DTNA: variants seen among roughly 807,000 people sequenced by gnomAD.
DTNA encodes the protein dystrophin-related protein 3.
Under a neutral mutation model 100.7 loss-of-function variants are expected in DTNA, and 43 were observed. The ratio of observed to expected loss-of-function variants is 0.43; its 90% CI spans 0.33 to 0.55. DTNA has a LOEUF of 0.55. DTNA is among the 20% of genes least tolerant of loss of function. DTNA has a pLI of 0.04. For synonymous variants in DTNA, 349 were observed against 347.9 expected, an observed-to-expected ratio of 1.00 and a Z score of -0.04; for missense variants, 798 against 953.9, an observed-to-expected ratio of 0.84 and a Z score of 2.15.
intron 1 of DTNA, among the ~76,000 whole-genome samples, chr18:34,694,527 A>G (rs2080237537): frequency 6.6e-6 from 1 of 152,194 alleles, no homozygotes; most frequent in Non-Finnish European, 1.5e-5. Flanking sequence ...CAGATAAATA[A>G]TGTAGCTCTC....
chr18:34,890,121 T>G lies in DTNA; in HGVS notation c.*2387T>G, dbSNP rs1208547573. The G allele has an allele frequency of 1.4e-6, 2 of 1,403,550 alleles. No individual in the cohort carries two copies. The highest frequency in any genetic ancestry group is 5.1e-5 in the East Asian group (2 of 39,266). 86.9% of individuals were successfully genotyped at this position (1,403,550 alleles called of 1,614,324 possible). ...GTTTCTTTGTGTTTCTACATCAAAA[T>G]GTTCGTCTAAGATTTGAACTGTTCT... On this transcript the variant is annotated 3_prime_UTR_variant, in exon 23 of 23. Transcript: ENST00000444659.
chr18:34,605,655 A>ACG (rs2052922475), intron 1 of DTNA, among the ~76,000 whole-genome samples: 1 of 151,924 alleles, frequency 6.6e-6, no homozygotes, highest in African/African-American at 2.4e-5. Flanking sequence ...ACACACACAC[A>ACG]CACACACACA....
chr18:34,494,682 G>A (rs895795440), intron 1 of DTNA, among the ~76,000 whole-genome samples: 1 of 152,028 alleles, frequency 6.6e-6, no homozygotes, highest in African/African-American at 2.4e-5. Context: ...GGGGGCAGGG[G>A]AGGCGCAAAT....
intron 1 of DTNA, among the ~76,000 whole-genome samples, chr18:34,673,340 A>T (rs771877278): frequency 1.3e-5 from 2 of 152,070 alleles, no homozygotes; most frequent in East Asian, 3.9e-4. Context: ...GGGTTTTGTC[A>T]TGTTGCCCAG....
intron 1 of DTNA, among the ~76,000 whole-genome samples, chr18:34,585,640 T>G (rs2049053416): frequency 6.6e-6 from 1 of 152,128 alleles, no homozygotes. Context: ...ACACACATGC[T>G]GGAGGAAGTA....
chr18:34,523,943 G>T (rs1001970656), intron 1 of DTNA, among the ~76,000 whole-genome samples: 1 of 151,054 alleles, frequency 6.6e-6, no homozygotes, highest in African/African-American at 2.5e-5. Flanking sequence ...TGGAAATTCA[G>T]CATCCAAGGG....
intron 1 of DTNA, chr18:34,513,401 C>T (rs1489554012): frequency 1.3e-5 from 2 of 152,168 alleles, no homozygotes; most frequent in Non-Finnish European, 2.9e-5. Flanking sequence ...ATTTCAAATA[C>T]AAAAGTAATG....
chr18:34,535,529 G>A (rs76660966), intron 1 of DTNA, among the ~76,000 whole-genome samples: 9,606 of 152,022 alleles, frequency 0.063, 382 homozygotes, highest in Non-Finnish European at 0.075. Context: ...GGCTTTTGTT[G>A]CAATTGCTTT....
chr18:34,532,646 A>G (rs2043255973), intron 1 of DTNA, among the ~76,000 whole-genome samples: 1 of 152,012 alleles, frequency 6.6e-6, no homozygotes, highest in Non-Finnish European at 1.5e-5. Flanking sequence ...TATGCATGTC[A>G]ACAAAAACAG....
intron 1 of DTNA, among the ~76,000 whole-genome samples, chr18:34,499,903 GT>G (rs1424530525): frequency 6.6e-6 from 1 of 151,934 alleles, no homozygotes; most frequent in Non-Finnish European, 1.5e-5. Flanking sequence ...GGGAATATTT[GT>G]TTGGATTTAT....
At chr18:34,557,074 T>C (rs570646304) in intron 1 of DTNA, among the ~76,000 whole-genome samples, 2 of 151,274 alleles carry the variant, frequency 1.3e-5, no homozygotes, top group East Asian at 1.9e-4. Context: ...TCATTTCTTA[T>C]TCTTTTTTCT....
intron 1 of DTNA, among the ~76,000 whole-genome samples, chr18:34,702,099 A>G (rs907637215): frequency 2.0e-5 from 3 of 152,182 alleles, no homozygotes; most frequent in African/African-American, 7.2e-5. Flanking sequence ...CCCCATCTGC[A>G]CAGTGCTCCA....
chr18:34,611,716 G>T (rs991492919), intron 1 of DTNA, among the ~76,000 whole-genome samples: 1 of 152,146 alleles, frequency 6.6e-6, no homozygotes, highest in Admixed American at 6.5e-5. Context: ...TTGGTTTGGG[G>T]ACCTGGTTCT....
At chr18:34,689,091 G>A (rs1001051834) in intron 1 of DTNA, among the ~76,000 whole-genome samples, 2 of 152,028 alleles carry the variant, frequency 1.3e-5, no homozygotes, top group Non-Finnish European at 2.9e-5. Flanking sequence ...GTTAGAACAT[G>A]TTCCTTTACC....
In DTNA at chr18:34,838,842, G is replaced by C. The variant is rs397517448; in HGVS notation, c.1346+5G>C. ...GCTCCGGAACAACCCCTCATGGTTA[G>C]TGCAGGTTTGGCTGCTTGACTGTCC... On this transcript the variant is annotated splice_donor_5th_base_variant and intron_variant, in intron 13 of 22. Transcript: ENST00000444659. 1.9e-5 allele frequency: 31 copies of C among 1,613,224 alleles called. No homozygotes were observed. The highest frequency in any genetic ancestry group is 1.7e-5 in the Admixed American group (1 of 59,950).
At chr18:34,734,408 C>T (rs935782623) in intron 1 of DTNA, among the ~76,000 whole-genome samples, 24 of 152,180 alleles carry the variant, frequency 1.6e-4, no homozygotes, top group Non-Finnish European at 2.9e-4. Context: ...AATCTTCCCA[C>T]ACATCCCCAT....
intron 1 of DTNA, among the ~76,000 whole-genome samples, chr18:34,740,864 T>A (rs1224853621): frequency 6.6e-6 from 1 of 152,080 alleles, no homozygotes; most frequent in Non-Finnish European, 1.5e-5. Context: ...GCTGCAAATA[T>A]TTTGTTCATG....
In DTNA at chr18:34,729,998, G is replaced by GA. The variant is rs2087704074; in HGVS notation, c.-2+19559dup. On this transcript the variant is annotated intron_variant, in intron 1 of 22. Coordinates refer to ENST00000444659, the MANE Select transcript of DTNA (RefSeq NM_001386795.1). ...CTGTTTCTTGTCCTTGGTTCTGCATGAAAAAACTCATCTCTCCACAGTTCC... is the reference window on the plus strand; with the variant it reads ...CTGTTTCTTGTCCTTGGTTCTGCATGAAAAAAACTCATCTCTCCACAGTTCC... Among the ~76,000 whole-genome samples the GA allele has an allele frequency of 2.0e-5, 3 of 152,104 alleles. No homozygotes were observed. The South Asian group carries it at 6.2e-4, about 32-fold the overall frequency.
chr18:34,811,938 C>G, intron 5 of DTNA, 21 bp from the exon 6 acceptor site: 1 of 1,613,584 alleles, frequency 6.2e-7, no homozygotes. Flanking sequence ...TGAATAATAT[C>G]TTTCCTTTTC....
Sources: allele counts gnomAD v4.1 joint callset (sites outside exome capture counted in the v4.1 genomes callset), GRCh38; gene constraint gnomAD v4.1.1; transcripts MANE v1.5; gene names NCBI Gene and HGNC (gene_info 2026-07-23, HGNC 2026-07-21).